Variants in PPP2R5C observed in about 807,000 individuals in gnomAD.
PPP2R5C encodes the protein protein phosphatase 2 regulatory subunit B'gamma, also known as serine/threonine-protein phosphatase 2A 56 kDa regulatory subunit gamma isoform.
Under a neutral mutation model 68.9 loss-of-function variants are expected in PPP2R5C, and 7 were observed. The ratio of observed to expected loss-of-function variants is 0.10; its 90% CI spans 0.06 to 0.19. The LOEUF is 0.19. PPP2R5C is among the 10% of genes least tolerant of loss of function. PPP2R5C has a pLI of 1.00. For synonymous variants in PPP2R5C, 210 were observed against 222.2 expected (o/e 0.95, Z 0.49); for missense variants, 348 against 641.3 (o/e 0.54, Z 4.94).
chr14:101,906,688 GT>G lies in PPP2R5C; in HGVS notation c.1151+162del. The G allele has an allele frequency of 2.0e-6, 2 of 1,010,378 alleles. No homozygotes were observed. Among genetic ancestry groups the G allele is most frequent in the Non-Finnish European group, 2.8e-6 (2 of 713,906 alleles). The allele number at this position is 1,010,378 out of a possible 1,614,324, so 62.6% of individuals were successfully genotyped here. A position where few individuals can be genotyped will look rare whatever the true frequency, so the allele number is the denominator to read the frequency against. ...CATAAATTAAGTAGCAGCGTGGGTT[GT>G]TTCTGTGGCCGTTGAATTTACCACC... On this transcript the variant is annotated intron_variant, in intron 10 of 13. Transcript: ENST00000334743. This position sits in a 1 kb window ranked among gnomAD's most constrained non-coding sequence, Gnocchi z 4.0.
chr14:101,814,659 G>A (rs2039553678), intron 1 of PPP2R5C, among the ~76,000 whole-genome samples: 1 of 152,098 alleles, frequency 6.6e-6, no homozygotes, highest in South Asian at 2.1e-4. Context: ...GTTGTGTAGA[G>A]GAATGAAAGA....
chr14:101,869,010 T>C (rs2043243443), intron 2 of PPP2R5C, among the ~76,000 whole-genome samples: 1 of 152,212 alleles, frequency 6.6e-6, no homozygotes, highest in African/African-American at 2.4e-5. Context: ...CCTCCTGTGT[T>C]CAAGTGATTC....
intron 2 of PPP2R5C, among the ~76,000 whole-genome samples, chr14:101,764,038 C>CACGCGCGCGGGT (rs2036721039): frequency 1.3e-5 from 2 of 151,934 alleles, no homozygotes. Context: ...TGGGCGCGCG[C>CACGCGCGCGGGT]ACTTGCGCGT....
intron 5 of PPP2R5C, among the ~76,000 whole-genome samples, chr14:101,887,601 C>T (rs1352545422): frequency 6.6e-6 from 1 of 152,202 alleles, no homozygotes; most frequent in Non-Finnish European, 1.5e-5. Flanking sequence ...CCTTGAGCTC[C>T]TCCAGGTTGT....
chr14:101,909,785 C>A, intron 11 of PPP2R5C, 95 bp downstream of exon 13: 2 of 814,656 alleles, frequency 2.5e-6, no homozygotes, highest in Non-Finnish European at 3.6e-6. Context: ...CGGTATTCTT[C>A]ACTCGAAAGC....
chr14:101,870,040 C>CTTTTTTTT (rs141433870), intron 2 of PPP2R5C, among the ~76,000 whole-genome samples: 10 of 53,102 alleles, frequency 1.9e-4, no homozygotes, highest in South Asian at 6.1e-4. Flanking sequence ...TTCAATTGGG[C>CTTTTTTTT]TTTTTTTTTT....
At chr14:101,827,079 G>A (rs984425944) in intron 1 of PPP2R5C, among the ~76,000 whole-genome samples, 3 of 148,726 alleles carry the variant, frequency 2.0e-5, no homozygotes, top group African/African-American at 2.5e-5. Context: ...AGGTTCAAGC[G>A]ATTCTTGTGT....
At chr14:101,816,349 A>T (rs1023263805) in intron 1 of PPP2R5C, among the ~76,000 whole-genome samples, 10 of 152,206 alleles carry the variant, frequency 6.6e-5, no homozygotes, top group African/African-American at 2.4e-4. Context: ...GCTGGCTAAA[A>T]TGCATGGGGG....
Position 101,913,467 on chromosome 14 carries a change from A to C in PPP2R5C, c.1326+994A>C, listed in dbSNP as rs578225366. On this transcript the variant is annotated intron_variant, in intron 12 of 13. Coordinates refer to ENST00000334743, the Ensembl canonical transcript of PPP2R5C. The surrounding 1 kb of genome is among the most constrained non-coding windows in gnomAD (Gnocchi z 4.1). ...AAACTGCAATCAGGAAACTCAAATC[A>C]GGAAAACGGAATGACATTTCTAATT... Among the ~76,000 whole-genome samples the C allele has an allele frequency of 3.3e-5, 5 of 152,370 alleles. No individual in the cohort carries two copies. The highest frequency in any genetic ancestry group is 1.3e-4 in the Admixed American group (2 of 15,310).
Position 101,841,148 on chromosome 14 carries a change from C to T in PPP2R5C, c.95-15538C>T, listed in dbSNP as rs144280548. Among the ~76,000 whole-genome samples the T allele has an allele frequency of 2.6e-5, 4 of 152,296 alleles. No homozygotes were observed. In the East Asian group the frequency reaches 7.7e-4, roughly 29 times the overall value. ...TGAGAAAACTGAGGCCCAAAGAGAT[C>T]GTTTTCTGCCCAGGGTCACTAAGGT... is the stretch of plus-strand genomic sequence containing the variant. On this transcript the variant is annotated intron_variant, in intron 1 of 13. Coordinates refer to ENST00000334743, the Ensembl canonical transcript of PPP2R5C.
intron 13 of PPP2R5C, among the ~76,000 whole-genome samples, chr14:101,924,479 G>A (rs1442335536): frequency 1.5e-5 from 1 of 67,494 alleles, no homozygotes; most frequent in Non-Finnish European, 3.3e-5. Context: ...TGGAGGCCCT[G>A]TCACCCAGGC....
rs1341436466 is a variant in PPP2R5C at position 101,916,484 on chromosome 14, G to A, written c.1327-1347G>A. Among the ~76,000 whole-genome samples the A allele has an allele frequency of 6.6e-6, 1 of 152,362 alleles. No homozygotes were observed. The highest frequency in any genetic ancestry group is 1.9e-4 in the East Asian group (1 of 5,186). On this transcript the variant is annotated intron_variant, in intron 12 of 13. Coordinates refer to ENST00000334743, the Ensembl canonical transcript of PPP2R5C. This position sits in a 1 kb window ranked among gnomAD's most constrained non-coding sequence, Gnocchi z 5.5. ...CAAGGCACCTGGAGGAGAGGCTGGG[G>A]TCACAGAGACCGAGGGAGGGTGCAG... is the stretch of plus-strand genomic sequence containing the variant.
At chr14:101,837,230 G>A (rs1239989333) in intron 1 of PPP2R5C, among the ~76,000 whole-genome samples, 1 of 152,052 alleles carries the variant, frequency 6.6e-6, no homozygotes, top group African/African-American at 2.4e-5. Flanking sequence ...CGCAACCTCC[G>A]CCCCTTGGGT....
intron 3 of PPP2R5C, among the ~76,000 whole-genome samples, chr14:101,790,774 A>G (rs921321715): frequency 1.3e-5 from 2 of 152,192 alleles, no homozygotes; most frequent in African/African-American, 2.4e-5. Context: ...TGGTAAATTT[A>G]TGTTTAGCTT....
intron 1 of PPP2R5C, among the ~76,000 whole-genome samples, chr14:101,849,375 C>G (rs2042017583): frequency 6.6e-6 from 1 of 152,188 alleles, no homozygotes; most frequent in Non-Finnish European, 1.5e-5. Flanking sequence ...CTCCTTGAGG[C>G]ACTATTTGGT....
At chr14:101,792,007 C>T (rs1438164621) in intron 3 of PPP2R5C, among the ~76,000 whole-genome samples, 1 of 152,190 alleles carries the variant, frequency 6.6e-6, no homozygotes, top group Non-Finnish European at 1.5e-5. Context: ...CACCTGGAGG[C>T]ACTGCCAATC....
At chr14:101,859,914 CTTT>C (rs34361568) in intron 2 of PPP2R5C, among the ~76,000 whole-genome samples, 2 of 145,554 alleles carry the variant, frequency 1.4e-5, no homozygotes, top group Non-Finnish European at 3.0e-5. Context: ...TTAATTTCCA[CTTT>C]TTTTTTTTTT....
intron 2 of PPP2R5C, among the ~76,000 whole-genome samples, chr14:101,860,061 AC>A (rs1566914501): frequency 1.3e-5 from 2 of 152,056 alleles, no homozygotes; most frequent in Non-Finnish European, 2.9e-5. Context: ...CCTAGAATTC[AC>A]CCATTTAAAG....
exon 1 of PPP2R5C, chr14:101,809,914 A>G: frequency 6.2e-7 from 1 of 1,607,792 alleles, no homozygotes; most frequent in Non-Finnish European, 8.5e-7. Flanking sequence ...TGCCTTAAGG[A>G]GCCCATTGCC....
Sources: allele counts gnomAD v4.1 joint callset (sites outside exome capture counted in the v4.1 genomes callset), GRCh38; gene constraint gnomAD v4.1.1; non-coding constraint Gnocchi (gnomAD v3.1); transcripts MANE v1.5; gene names NCBI Gene and HGNC (gene_info 2026-07-23, HGNC 2026-07-21).